The following MAPKBP1 variants were observed in gnomAD, a reference collection of about 807,000 sequenced individuals.
MAPKBP1 encodes mitogen-activated protein kinase binding protein 1.
A neutral mutation model predicts 170.5 loss-of-function variants in MAPKBP1; 71 were observed. That is an observed-to-expected ratio of 0.42 (90% CI 0.34 to 0.51). MAPKBP1 has a LOEUF of 0.51. Ranked by LOEUF, MAPKBP1 falls within the 20% of genes least tolerant of loss-of-function variation. The pLI is 0.06. For synonymous variants in MAPKBP1, 719 were observed against 757.9 expected (o/e 0.95, Z 0.84); for missense variants, 1,598 against 1,933.0 (o/e 0.83, Z 3.25).
chr15:41,819,763 C>A (rs1567153978), intron 22 of MAPKBP1, 113 bp downstream of exon 22: 4 of 1,098,218 alleles, frequency 3.6e-6, no homozygotes, highest in Non-Finnish European at 5.2e-6. Flanking sequence ...TGCCCACATG[C>A]TGCACTCGTG....
intron 21 of MAPKBP1, 42 bp from the exon 22 acceptor site, chr15:41,819,553 G>GA (rs1555454066): frequency 4.5e-5 from 67 of 1,502,768 alleles, no homozygotes; most frequent in Non-Finnish European, 5.6e-5. Flanking sequence ...GTGGCGGGGG[G>GA]GGGGCAGGAG....
chr15:41,824,762 C>G (rs1321902664), intron 30 of MAPKBP1, among the ~76,000 whole-genome samples, 193 bp downstream of exon 30: 1 of 152,186 alleles, frequency 6.6e-6, no homozygotes, highest in African/African-American at 2.4e-5. Flanking sequence ...GCGGTCATTT[C>G]TGGTTAAGAG....
In MAPKBP1 at chr15:41,818,226, C is replaced by A. The variant is rs1394209323; in HGVS notation, c.2013C>A (p.Ala671=). The change falls in exon 18 of 31, where the codon GCC becomes GCA. Residue 671 remains alanine (A), a synonymous_variant. Coordinates refer to ENST00000457542, the MANE Select transcript of MAPKBP1 (RefSeq NM_014994.3). This position sits in a 1 kb window ranked among gnomAD's most constrained non-coding sequence, Gnocchi z 5.2. The part of the protein sequence containing the change: ...VQTDPSGIYI[A]TSCSDKNLSI... ...CAGACCCCTCAGGGATCTACATTGC[C>A]ACCAGCTGTTCTGACAAGAATCTCT... 1 of 1,614,028 alleles carries A rather than the reference C, an allele frequency of 6.2e-7. No individual in the cohort carries two copies. The highest frequency in any genetic ancestry group is 1.3e-5 in the African/African-American group (1 of 74,898).
rs1403427380 is a variant in MAPKBP1, at chr15:41,817,044, A to C, written c.1711+9A>C. 1.9e-6 allele frequency: 3 copies of C among 1,573,230 alleles called. No individual in the cohort carries two copies. In the Admixed American group the frequency reaches 5.3e-5, roughly 28 times the overall value. On this transcript the variant is annotated intron_variant, in intron 14 of 30. Coordinates refer to ENST00000457542, the MANE Select transcript of MAPKBP1 (RefSeq NM_014994.3). This position sits in a 1 kb window ranked among gnomAD's most constrained non-coding sequence, Gnocchi z 4.2. Reference sequence around the variant, plus strand: ...TGCTGTTAAGTTTGCAGGTGCGGGCAGGGTGAATGAGACACATCCTGCCAC... The same window carrying C: ...TGCTGTTAAGTTTGCAGGTGCGGGCCGGGTGAATGAGACACATCCTGCCAC...
At chr15:41,797,989 G>A (rs988002007) in intron 2 of MAPKBP1, among the ~76,000 whole-genome samples, 2 of 152,038 alleles carry the variant, frequency 1.3e-5, no homozygotes, top group Non-Finnish European at 2.9e-5. Flanking sequence ...GGTGGCTCAT[G>A]CCTGTAATCC....
chr15:41,819,097 TG>T, intron 20 of MAPKBP1, 140 bp downstream of exon 20: 1 of 1,454,328 alleles, frequency 6.9e-7, no homozygotes, highest in Non-Finnish European at 9.4e-7. Flanking sequence ...GGATCCATGA[TG>T]TCAGCCTCTT....
At chr15:41,796,913 T>C (rs2152073097) in intron 2 of MAPKBP1, among the ~76,000 whole-genome samples, 1 of 152,304 alleles carries the variant, frequency 6.6e-6, no homozygotes, top group South Asian at 2.1e-4. Flanking sequence ...TTCTTTTTAA[T>C]GAAATGGAAT....
chr15:41,787,843 C>T (rs1292487432), intron 2 of MAPKBP1, among the ~76,000 whole-genome samples: 5 of 152,126 alleles, frequency 3.3e-5, no homozygotes, highest in African/African-American at 4.8e-5. Flanking sequence ...CTTCCTGCCA[C>T]AACTTCTAGG....
At chr15:41,816,825 GC>G in intron 13 of MAPKBP1, 84 bp from the exon 14 acceptor site, 1 of 1,539,630 alleles carries the variant, frequency 6.5e-7, no homozygotes, top group Non-Finnish European at 8.8e-7. Flanking sequence ...GGGATATGGG[GC>G]TCAGTTCCCT....
intron 23 of MAPKBP1, 75 bp from the exon 24 acceptor site, chr15:41,821,509 T>G (rs1234686673): frequency 1.4e-6 from 2 of 1,463,952 alleles, no homozygotes; most frequent in African/African-American, 2.8e-5. Flanking sequence ...CCCAGGATAC[T>G]CAGGGCTTAC....
intron 3 of MAPKBP1, among the ~76,000 whole-genome samples, chr15:41,803,244 G>A (rs981943379): frequency 6.6e-6 from 1 of 151,616 alleles, no homozygotes; most frequent in African/African-American, 2.4e-5. Flanking sequence ...GTGAAATCTT[G>A]TCTCTAGCAA....
chr15:41,823,240 T>G lies in MAPKBP1; in HGVS notation c.3598+18T>G. 2 of 1,609,216 alleles carry G rather than the reference T, an allele frequency of 1.2e-6. No homozygotes were observed. Among genetic ancestry groups the G allele is most frequent in the Non-Finnish European group, 1.7e-6 (2 of 1,177,498 alleles). On this transcript the variant is annotated intron_variant, in intron 28 of 30. Coordinates refer to ENST00000457542, the MANE Select transcript of MAPKBP1 (RefSeq NM_014994.3). ...GCCACAGGGTGAGAAGCCTGATGGG[T>G]TCAGTGCCAGGGTGCAGGGTGTATG...
chr15:41,785,285 G>A (rs2064264289), intron 2 of MAPKBP1, among the ~76,000 whole-genome samples: 1 of 152,044 alleles, frequency 6.6e-6, no homozygotes, highest in African/African-American at 2.4e-5. Flanking sequence ...ACTATCTTCA[G>A]TACCTTTTTC....
rs375802538 is a variant in MAPKBP1, at chr15:41,822,642, A to G, written c.3279A>G (p.Ser1093=). The G allele has an allele frequency of 6.2e-7, 1 of 1,613,994 alleles. No individual in the cohort carries two copies. Among genetic ancestry groups the G allele is most frequent in the East Asian group, 2.2e-5 (1 of 44,868 alleles). The change falls in exon 27 of 31, where the codon TCA becomes TCG. Residue 1093 remains serine (S), a synonymous_variant. Coordinates refer to ENST00000457542, the MANE Select transcript of MAPKBP1 (RefSeq NM_014994.3). ...PERSESRSIS[S]RFLLQVQTRP... is the part of the protein sequence containing the mutation. The stretch of plus-strand genomic sequence containing the variant: ...GGTCAGAGTCTCGGAGTATCTCTTC[A>G]CGATTCCTGTTGCAAGTACAGACCC...
At chr15:41,789,466 T>C (rs1006279059) in intron 2 of MAPKBP1, among the ~76,000 whole-genome samples, 9 of 152,168 alleles carry the variant, frequency 5.9e-5, no homozygotes, top group Admixed American at 2.0e-4. Context: ...TGCTGATGAC[T>C]GTACTATTAA....
chr15:41,818,436 A>G lies in MAPKBP1; in HGVS notation c.2093-83A>G, dbSNP rs1031419169. 2.7e-6 allele frequency: 4 copies of G among 1,466,740 alleles called. No individual in the cohort carries two copies. Among genetic ancestry groups the G allele is most frequent in the Middle Eastern group, 1.7e-4 (1 of 5,740 alleles). 90.9% of individuals were successfully genotyped at this position (1,466,740 alleles called of 1,614,324 possible). ...GCTACCTATCCCTACCCTGCAGCCA[A>G]CCCCCGTGTCCACTGTTGGGATGGA... On this transcript the variant is annotated intron_variant, in intron 18 of 30. Coordinates refer to ENST00000457542, the MANE Select transcript of MAPKBP1 (RefSeq NM_014994.3). The surrounding 1 kb of genome is among the most constrained non-coding windows in gnomAD (Gnocchi z 5.2).
At chr15:41,795,645 C>T (rs1370393186) in intron 2 of MAPKBP1, among the ~76,000 whole-genome samples, 3 of 152,104 alleles carry the variant, frequency 2.0e-5, no homozygotes, top group East Asian at 1.9e-4. Context: ...CTCGCTCTGT[C>T]GCCCAGGCTG....
In MAPKBP1 at chr15:41,817,117, C is replaced by A; in HGVS notation, c.1711+82C>A. 1 of 1,523,124 alleles carries A rather than the reference C, an allele frequency of 6.6e-7. No individual in the cohort carries two copies. Among genetic ancestry groups the A allele is most frequent in the African/African-American group, 1.4e-5 (1 of 72,450 alleles). The allele number at this position is 1,523,124 out of a possible 1,614,324, so 94.4% of individuals were successfully genotyped here. On this transcript the variant is annotated intron_variant, in intron 14 of 30. Transcript: ENST00000457542. This position sits in a 1 kb window ranked among gnomAD's most constrained non-coding sequence, Gnocchi z 4.2. ...CTCCCACCTCCATGAGAAGGGTCTGCCCATTGTGGGGGAGTGTTGGACAGC... is the reference window on the plus strand; with the variant it reads ...CTCCCACCTCCATGAGAAGGGTCTGACCATTGTGGGGGAGTGTTGGACAGC...
intron 2 of MAPKBP1, among the ~76,000 whole-genome samples, chr15:41,796,924 A>G (rs535050847): frequency 6.6e-6 from 1 of 152,340 alleles, no homozygotes; most frequent in African/African-American, 2.4e-5. Context: ...GAAATGGAAT[A>G]TAATAGAAAA....
Sources: allele counts gnomAD v4.1 joint callset (sites outside exome capture counted in the v4.1 genomes callset), GRCh38; gene constraint gnomAD v4.1.1; non-coding constraint Gnocchi (gnomAD v3.1); transcripts MANE v1.5; gene names NCBI Gene and HGNC (gene_info 2026-07-23, HGNC 2026-07-21).